The following ZFHX4 variants were observed in gnomAD, a reference collection of about 807,000 sequenced individuals.
ZFHX4 encodes zinc finger homeobox 4, also known as zinc finger homeobox protein 4.
A neutral mutation model predicts 267.6 loss-of-function variants in ZFHX4; 56 were observed. The ratio of observed to expected loss-of-function variants is 0.21; its 90% CI spans 0.17 to 0.26. The LOEUF is 0.26. Among genes scored for constraint, ZFHX4 ranks in the 10% least tolerant of loss-of-function variants. The pLI is 1.00. For missense variants in ZFHX4, 4,332 were observed against 4,420.0 expected (o/e 0.98, Z 0.56); for synonymous variants, 1,778 against 1,665.6 (o/e 1.07, Z -1.64).
At chr8:76,697,329 G>A (rs1355312566) in intron 1 of ZFHX4, among the ~76,000 whole-genome samples, 1 of 151,662 alleles carries the variant, frequency 6.6e-6, no homozygotes, top group South Asian at 2.1e-4. Flanking sequence ...TTACTAGTTC[G>A]GTATATCTAT....
intron 4 of ZFHX4, among the ~76,000 whole-genome samples, chr8:76,792,416 G>A (rs550791807): frequency 3.9e-5 from 6 of 152,116 alleles, no homozygotes; most frequent in Admixed American, 2.6e-4. Context: ...CAAGATTTGT[G>A]CCTCAAGGAG....
chr8:76,731,518 A>G (rs1203353148), intron 3 of ZFHX4, among the ~76,000 whole-genome samples: 3 of 152,196 alleles, frequency 2.0e-5, no homozygotes, highest in East Asian at 1.9e-4. Flanking sequence ...CGATGCAGCT[A>G]TTAGCAGTAC....
chr8:76,829,905 G>A (rs1168508074), intron 4 of ZFHX4, among the ~76,000 whole-genome samples: 1 of 152,084 alleles, frequency 6.6e-6, no homozygotes, highest in African/African-American at 2.4e-5. Flanking sequence ...TAGGTGATTA[G>A]CAGAATTCAG....
chr8:76,706,657 G>A lies in ZFHX4; in HGVS notation c.2569G>A (p.Ala857Thr), dbSNP rs1464933716. Reference sequence around the variant, plus strand: ...ATTCCAGCTGGATCCAGCGACAGCAGCGGCTTTGGCACCAGGGCTCGGTTA... The same window carrying A: ...ATTCCAGCTGGATCCAGCGACAGCAACGGCTTTGGCACCAGGGCTCGGTTA... ...NPFQLDPATA[A>T]ALAPGLVNNE... The change falls in exon 2 of 11, where the codon GCG (alanine) becomes ACG (threonine). Residue 857 changes from alanine (A) to threonine (T), a missense_variant. Ala to Thr is a moderately conservative substitution (Grantham distance 58). Transcript: ENST00000651372. 6.3e-7 allele frequency: 1 copy of A among 1,592,182 alleles called. No individual in the cohort carries two copies. Among genetic ancestry groups the A allele is most frequent in the South Asian group, 1.2e-5 (1 of 86,694 alleles).
chr8:76,855,175 G>A lies in ZFHX4; in HGVS notation c.8254G>A (p.Val2752Met). The A allele has an allele frequency of 6.2e-7, 1 of 1,613,594 alleles. No homozygotes were observed. Among genetic ancestry groups the A allele is most frequent in the Non-Finnish European group, 8.5e-7 (1 of 1,179,780 alleles). The change falls in exon 10 of 11, where the codon GTG (valine) becomes ATG (methionine). Residue 2752 changes from valine (V) to methionine (M), a missense_variant. Physicochemically the swap from Val to Met is conservative, Grantham distance 21. This residue lies in a region of ZFHX4 where 1,648 missense variants were observed against 1,625.0 expected (regional missense o/e 1.01). Transcript: ENST00000651372. The stretch of plus-strand genomic sequence containing the variant: ...AAGTGAGAATGAATTGGCTTCTACA[G>A]TGTCAACACCTGTTAGTAAAACAGC... ...LSSENELAST[V>M]STPVSKTAEL... is the part of the protein sequence containing the mutation.
At chr8:76,841,874 A>G (rs954560950) in intron 5 of ZFHX4, among the ~76,000 whole-genome samples, 3 of 152,208 alleles carry the variant, frequency 2.0e-5, no homozygotes, top group African/African-American at 7.2e-5. Context: ...ATGAAAGAGA[A>G]CAGTGGGCCT....
chr8:76,749,575 T>C (rs1328857864), intron 3 of ZFHX4, among the ~76,000 whole-genome samples: 2 of 152,166 alleles, frequency 1.3e-5, no homozygotes, highest in Non-Finnish European at 2.9e-5. Context: ...ATGATTCTTT[T>C]TGAATGGGGT....
intron 3 of ZFHX4, among the ~76,000 whole-genome samples, chr8:76,751,644 G>T (rs1346051375): frequency 6.6e-6 from 1 of 152,208 alleles, no homozygotes; most frequent in Non-Finnish European, 1.5e-5. Context: ...TGGGAAAGAA[G>T]ATGAGATAAA....
chr8:76,701,862 A>G (rs1287852968), intron 1 of ZFHX4, among the ~76,000 whole-genome samples: 1 of 152,098 alleles, frequency 6.6e-6, no homozygotes, highest in African/African-American at 2.4e-5. Context: ...ATTGGGGAAA[A>G]TCACCCTCGG....
intron 5 of ZFHX4, among the ~76,000 whole-genome samples, chr8:76,837,542 C>A (rs1812124204): frequency 6.6e-6 from 1 of 151,728 alleles, no homozygotes; most frequent in Non-Finnish European, 1.5e-5. Flanking sequence ...ATCAAACACC[C>A]CTTTTACATT....
At position 76,706,090 on chromosome 8, in the gene ZFHX4, C is replaced by T; in HGVS notation, c.2002C>T (p.Pro668Ser). Residue 668 changes from proline (P) to serine (S), a missense_variant, in exon 2 of 11, where the codon CCT becomes TCT. Physicochemically the swap from Pro to Ser is moderately conservative, Grantham distance 74. Around this residue, in one of 7 missense-constraint regions of ZFHX4, gnomAD observed 1,195 missense variants for 1,173.6 expected, o/e 1.02. Transcript: ENST00000651372. ...GGAGGCCCATATGAAGGAGAAACAC[C>T]CTGAGCCGGGTGGCTCTTGTGTTTA... ...TLEAHMKEKH[P>S]EPGGSCVYCK... 1 of 1,613,614 alleles carries T rather than the reference C, an allele frequency of 6.2e-7. No individual in the cohort carries two copies. The highest frequency in any genetic ancestry group is 8.5e-7 in the Non-Finnish European group (1 of 1,179,776).
At chr8:76,732,072 C>T (rs1809029951) in intron 3 of ZFHX4, among the ~76,000 whole-genome samples, 1 of 151,962 alleles carries the variant, frequency 6.6e-6, no homozygotes, top group South Asian at 2.1e-4. Flanking sequence ...GAACTCCTGA[C>T]CTCAAGTGAT....
intron 3 of ZFHX4, among the ~76,000 whole-genome samples, chr8:76,734,274 G>T (rs773013761): frequency 1.9e-4 from 29 of 152,098 alleles, no homozygotes; most frequent in Non-Finnish European, 3.7e-4. Flanking sequence ...ATTTTGAATG[G>T]GAATTAAGCT....
At chr8:76,846,154 G>T (rs1245722677) in intron 6 of ZFHX4, among the ~76,000 whole-genome samples, 1 of 151,998 alleles carries the variant, frequency 6.6e-6, no homozygotes, top group Non-Finnish European at 1.5e-5. Context: ...GCCATAATAT[G>T]AAACCTAAGA....
intron 4 of ZFHX4, among the ~76,000 whole-genome samples, chr8:76,806,861 G>T (rs1274970766): frequency 6.6e-6 from 1 of 152,150 alleles, no homozygotes; most frequent in South Asian, 2.1e-4. Flanking sequence ...TGATAAGGAA[G>T]TGTTAAATTA....
intron 4 of ZFHX4, among the ~76,000 whole-genome samples, chr8:76,804,258 A>G (rs894457649): frequency 6.6e-6 from 1 of 152,160 alleles, no homozygotes; most frequent in Admixed American, 6.6e-5. Context: ...GTTGAGTGTA[A>G]CACAATGTCC....
At chr8:76,862,762 A>G (rs563941476) in intron 10 of ZFHX4, among the ~76,000 whole-genome samples, 1 of 152,302 alleles carries the variant, frequency 6.6e-6, no homozygotes, top group African/African-American at 2.4e-5. Flanking sequence ...AGGTGTATCA[A>G]TTGGAAGGAA....
At chr8:76,701,177 T>A (rs1808093921) in intron 1 of ZFHX4, among the ~76,000 whole-genome samples, 1 of 152,124 alleles carries the variant, frequency 6.6e-6, no homozygotes, top group South Asian at 2.1e-4. Context: ...CTGAAAAACA[T>A]TGTCATGGTT....
Position 76,855,129 on chromosome 8 carries a change from A to G in ZFHX4, c.8208A>G (p.Pro2736=), listed in dbSNP as rs982270197. 8 of 1,613,652 alleles carry G rather than the reference A, an allele frequency of 5.0e-6. No individual in the cohort carries two copies. Among genetic ancestry groups the G allele is most frequent in the South Asian group, 1.1e-5 (1 of 91,044 alleles). ...TCTATTTTGATTACCCATCTTTGCC[A>G]TTAACTAAAATTGATCTATCAAGTG... ...KYIYFDYPSL[P]LTKIDLSSEN... The change falls in exon 10 of 11, where the codon CCA becomes CCG. Residue 2736 remains proline, a synonymous_variant. Transcript: ENST00000651372.
Sources: allele counts gnomAD v4.1 joint callset (sites outside exome capture counted in the v4.1 genomes callset), GRCh38; gene constraint gnomAD v4.1.1; regional missense constraint gnomAD v4.1.1; transcripts MANE v1.5; gene names NCBI Gene and HGNC (gene_info 2026-07-23, HGNC 2026-07-21).